The following TFB1M variants were observed in gnomAD, a reference collection of about 807,000 sequenced individuals.
TFB1M encodes the protein transcription factor B1, mitochondrial.
TFB1M carries 27 observed loss-of-function variants against 31.1 expected under a neutral mutation model. The ratio of observed to expected loss-of-function variants is 0.87; its 90% CI spans 0.64 to 1.20. The LOEUF (loss-of-function observed/expected upper bound fraction) is 1.20, where lower values mean the gene tolerates loss of function less well. Ranked by LOEUF, TFB1M falls within the 50% of genes most tolerant of loss-of-function variation. The pLI, the probability that TFB1M is intolerant of heterozygous loss-of-function variation, is 0.00. For synonymous variants in TFB1M, 166 were observed against 151.8 expected (o/e 1.09, Z -0.69); for missense variants, 394 against 418.7 (o/e 0.94, Z 0.51).
intron 5 of TFB1M, among the ~76,000 whole-genome samples, chr6:155,284,159 G>A (rs1384069585): frequency 6.6e-6 from 1 of 152,216 alleles, no homozygotes. Flanking sequence ...TGGCAAAGAA[G>A]TATGAAGGTG....
chr6:155,278,962 G>A (rs182605441), intron 5 of TFB1M, among the ~76,000 whole-genome samples: 2 of 152,094 alleles, frequency 1.3e-5, no homozygotes, highest in African/African-American at 2.4e-5. Flanking sequence ...GGGGACATTC[G>A]GCAATGCTGG....
At chr6:155,271,751 T>C (rs1435828577) in intron 5 of TFB1M, among the ~76,000 whole-genome samples, 3 of 152,158 alleles carry the variant, frequency 2.0e-5, no homozygotes, top group Non-Finnish European at 2.9e-5. Flanking sequence ...TCTTTCAACA[T>C]AGAGAAAATT....
At chr6:155,283,367 C>T (rs1776475265) in intron 5 of TFB1M, among the ~76,000 whole-genome samples, 1 of 151,860 alleles carries the variant, frequency 6.6e-6, no homozygotes. Context: ...GTAATAGTTA[C>T]AATATAATAA....
the TFB1M span, among the ~76,000 whole-genome samples, chr6:155,249,478 C>T: frequency 1.2e-4 from 19 of 152,162 alleles, no homozygotes; most frequent in African/African-American, 3.9e-4. Context: ...TCACTTTTCT[C>T]ATCTGTAAAA....
At chr6:155,312,611 GA>G (rs1471147160) in intron 1 of TFB1M, among the ~76,000 whole-genome samples, 1 of 152,062 alleles carries the variant, frequency 6.6e-6, no homozygotes, top group African/African-American at 2.4e-5. Flanking sequence ...GAATATTAAA[GA>G]AGCGCTATCA....
At chr6:155,249,971 T>C in the TFB1M span, 4 of 1,607,794 alleles carry the variant, frequency 2.5e-6, no homozygotes, top group Non-Finnish European at 3.4e-6. Flanking sequence ...GAGAAGGAGG[T>C]CCGTGAGACA....
intron 5 of TFB1M, among the ~76,000 whole-genome samples, chr6:155,282,139 C>T (rs561525988): frequency 1.3e-5 from 2 of 152,276 alleles, no homozygotes; most frequent in South Asian, 4.2e-4. Context: ...ATACTACAGA[C>T]TCTAATAGTT....
chr6:155,306,076 A>G (rs1338848405), intron 2 of TFB1M, among the ~76,000 whole-genome samples: 1 of 152,158 alleles, frequency 6.6e-6, no homozygotes, highest in African/African-American at 2.4e-5. Context: ...GAAGATACAA[A>G]GATGGCAAAT....
rs143560527 is a variant in TFB1M at position 155,276,154 on chromosome 6, A to C, written c.666+9004T>G. The C allele has an allele frequency of 6.8e-5, 110 of 1,614,194 alleles. No homozygotes were observed. In the African/African-American group the frequency reaches 1.4e-3, roughly 21 times the overall value. Reference sequence around the variant, plus strand: ...TGTGGTACACAAAGGAGATCATAGCAAACTTTCTGGATCTGACAGTTCCAG... The same window carrying C: ...TGTGGTACACAAAGGAGATCATAGCCAACTTTCTGGATCTGACAGTTCCAG... On this transcript the variant is annotated intron_variant, in intron 5 of 6. Coordinates refer to ENST00000367166, the MANE Select transcript of TFB1M (RefSeq NM_016020.4).
intron 1 of TFB1M, chr6:155,313,018 C>G (rs185201967): frequency 1.3e-5 from 2 of 152,126 alleles, no homozygotes; most frequent in Admixed American, 1.3e-4. Flanking sequence ...AAGGCCGAGG[C>G]GAGTGGATCA....
chr6:155,240,650 G>A, the TFB1M span: 1 of 1,613,998 alleles, frequency 6.2e-7, no homozygotes. Context: ...CCTGTCTGAT[G>A]CAGACCGCCT....
chr6:155,231,565 C>A, the TFB1M span, among the ~76,000 whole-genome samples: 3 of 152,338 alleles, frequency 2.0e-5, no homozygotes, highest in Non-Finnish European at 4.4e-5. Flanking sequence ...CTCCACTCCA[C>A]GGAGCATGCC....
chr6:155,242,006 C>T, the TFB1M span, among the ~76,000 whole-genome samples: 1 of 152,300 alleles, frequency 6.6e-6, no homozygotes, highest in South Asian at 2.1e-4. Context: ...TGTTAGGCCA[C>T]GCTGTACTGG....
chr6:155,256,426 A>G lies in TFB1M; in HGVS notation c.*1410T>C. The G allele has an allele frequency of 1.2e-6, 2 of 1,609,166 alleles. No homozygotes were observed. Among genetic ancestry groups the G allele is most frequent in the Non-Finnish European group, 1.7e-6 (2 of 1,177,580 alleles). On this transcript the variant is annotated 3_prime_UTR_variant, in exon 7 of 7. Coordinates refer to ENST00000367166, the MANE Select transcript of TFB1M (RefSeq NM_016020.4). The stretch of plus-strand genomic sequence containing the variant: ...ATCTTACACAAGCTTTGAGGCAAAC[A>G]TTACACATTGTGTAACCTGTTTCTG...
chr6:155,253,642 C>T (rs1783812624), downstream of TFB1M: 1 of 222,094 alleles, frequency 4.5e-6, no homozygotes, highest in Non-Finnish European at 8.8e-6. Context: ...TACCCCAGCT[C>T]CTGTTCCTTC....
the TFB1M span, among the ~76,000 whole-genome samples, chr6:155,229,949 A>T: frequency 2.6e-5 from 4 of 151,926 alleles, no homozygotes; most frequent in African/African-American, 4.8e-5. Flanking sequence ...AGCATGGGAG[A>T]AACCCACCCC....
intron 1 of TFB1M, among the ~76,000 whole-genome samples, chr6:155,311,957 G>A (rs1302457920): frequency 1.3e-5 from 2 of 152,164 alleles, no homozygotes; most frequent in African/African-American, 2.4e-5. Flanking sequence ...ACACATGCAT[G>A]TTAATACAGA....
chr6:155,276,044 G>A (rs769633418), intron 5 of TFB1M: 9 of 1,614,046 alleles, frequency 5.6e-6, no homozygotes, highest in South Asian at 1.1e-5. Context: ...TCGCTTAGGA[G>A]GGGACAGAGA....
chr6:155,296,030 T>A (rs536503437), intron 4 of TFB1M, among the ~76,000 whole-genome samples: 3 of 152,190 alleles, frequency 2.0e-5, no homozygotes, highest in South Asian at 4.1e-4. Flanking sequence ...AAAATTTTTT[T>A]AAAAAACCAC....
Sources: allele counts gnomAD v4.1 joint callset (sites outside exome capture counted in the v4.1 genomes callset), GRCh38; gene constraint gnomAD v4.1.1; transcripts MANE v1.5; gene names NCBI Gene and HGNC (gene_info 2026-07-23, HGNC 2026-07-21).